Variants in CNOT9 observed in about 807,000 individuals in gnomAD.
CNOT9 encodes RCD1 required for cell differentiation1 homolog.
Under a neutral mutation model 37.4 loss-of-function variants are expected in CNOT9, and 8 were observed. The ratio of observed to expected loss-of-function variants is 0.21; its 90% CI spans 0.13 to 0.39. The LOEUF (loss-of-function observed/expected upper bound fraction) is 0.39, where lower values mean the gene tolerates loss of function less well. CNOT9 is among the 10% of genes least tolerant of loss of function. CNOT9 has a pLI of 1.00. For synonymous variants in CNOT9, 120 were observed against 137.6 expected, an observed-to-expected ratio of 0.87 and a Z score of 0.90; for missense variants, 154 against 365.3, an observed-to-expected ratio of 0.42 and a Z score of 4.71.
intron 1 of CNOT9, among the ~76,000 whole-genome samples, chr2:218,576,981 A>AT (rs1430962071): frequency 1.3e-5 from 2 of 151,422 alleles, no homozygotes; most frequent in Non-Finnish European, 2.9e-5. Context: ...AAAAAAAAAA[A>AT]GTCATCTTTA....
intron 1 of CNOT9, among the ~76,000 whole-genome samples, chr2:218,578,436 GTTCT>G (rs1378495149): frequency 1.3e-5 from 2 of 152,198 alleles, no homozygotes; most frequent in Non-Finnish European, 2.9e-5. Flanking sequence ...AACAAAGGCA[GTTCT>G]TTGTGTTCTT....
intron 1 of CNOT9, among the ~76,000 whole-genome samples, chr2:218,571,504 A>G (rs1044394003): frequency 5.9e-5 from 9 of 152,148 alleles, no homozygotes; most frequent in South Asian, 4.1e-4. Flanking sequence ...ATAGTATGGG[A>G]AGTATCTTAA....
chr2:218,592,007 G>A lies in CNOT9; in HGVS notation c.541-297G>A, dbSNP rs550630805. Among the ~76,000 whole-genome samples the A allele has an allele frequency of 2.6e-5, 4 of 152,052 alleles. No homozygotes were observed. The highest frequency in any genetic ancestry group is 2.1e-4 in the South Asian group (1 of 4,810). On this transcript the variant is annotated intron_variant, in intron 5 of 7. Transcript: ENST00000273064. The surrounding 1 kb of genome is among the most constrained non-coding windows in gnomAD (Gnocchi z 4.1). Reference sequence around the variant, plus strand: ...GTTTTTAAGAATTTGATAATTACACGGAACCTACCCTTGTATGTAAAGTGA... The same window carrying A: ...GTTTTTAAGAATTTGATAATTACACAGAACCTACCCTTGTATGTAAAGTGA...
intron 1 of CNOT9, among the ~76,000 whole-genome samples, chr2:218,573,420 A>C (rs1050626466): frequency 2.0e-5 from 3 of 152,118 alleles, no homozygotes; most frequent in Admixed American, 2.0e-4. Context: ...TTTTCTTGGA[A>C]TACCATGCTG....
In CNOT9 at chr2:218,595,404, C is replaced by CTTTTTTTTTTTTTTTTTTTTTTTTTTTT. The variant is rs57839540; in HGVS notation, c.*1129_*1156dup. On this transcript the variant is annotated 3_prime_UTR_variant, in exon 8 of 8. Transcript: ENST00000273064. Reference sequence around the variant, plus strand: ...GAGGGCTGGGTTCTGCTCACTCAGTCTTTTTTTTTTTTTTTTTTTTTTTTT... The same window carrying CTTTTTTTTTTTTTTTTTTTTTTTTTTTT: ...GAGGGCTGGGTTCTGCTCACTCAGTCTTTTTTTTTTTTTTTTTTTTTTTTTTTTTTTTTTTTTTTTTTTTTTTTTTTTT... The CTTTTTTTTTTTTTTTTTTTTTTTTTTTT allele has an allele frequency of 9.0e-4, 46 of 50,944 alleles. 9 individuals are homozygous for CTTTTTTTTTTTTTTTTTTTTTTTTTTTT. Among genetic ancestry groups the CTTTTTTTTTTTTTTTTTTTTTTTTTTTT allele is most frequent in the East Asian group, 2.1e-3 (2 of 944 alleles). 3.2% of individuals were successfully genotyped at this position (50,944 alleles called of 1,614,324 possible).
intron 1 of CNOT9, 107 bp downstream of exon 1, chr2:218,569,085 G>T: frequency 8.0e-7 from 1 of 1,247,824 alleles, no homozygotes; most frequent in Non-Finnish European, 1.1e-6. Flanking sequence ...ATTTTTTTCT[G>T]CCCTCAATCT....
chr2:218,573,367 A>C (rs1301801141), intron 1 of CNOT9, among the ~76,000 whole-genome samples: 1 of 151,996 alleles, frequency 6.6e-6, no homozygotes, highest in Non-Finnish European at 1.5e-5. Flanking sequence ...TAAAATTATG[A>C]AGGTAAGCTA....
Position 218,596,362 on chromosome 2 carries a change from T to G in CNOT9, c.*2086T>G, listed in dbSNP as rs1351941964. The G allele has an allele frequency of 6.6e-6, 1 of 152,206 alleles. No homozygotes were observed. Among genetic ancestry groups the G allele is most frequent in the Non-Finnish European group, 1.5e-5 (1 of 68,042 alleles). 9.4% of individuals were successfully genotyped at this position (152,206 alleles called of 1,614,324 possible). On this transcript the variant is annotated 3_prime_UTR_variant, in exon 8 of 8. Coordinates refer to ENST00000273064, the MANE Select transcript of CNOT9 (RefSeq NM_005444.3). The stretch of plus-strand genomic sequence containing the variant: ...TATTATATAAAGAGACCCCTCCCCT[T>G]ATTTTGTGTTTTCCATCCCTCTCCC...
Position 218,594,202 on chromosome 2 carries a change from C to G in CNOT9, c.826C>G (p.Leu276Val). ...LKDDTTTKRWLAQLVKNLQEG... is the reference protein window; with the variant it reads ...LKDDTTTKRWVAQLVKNLQEG... Reference sequence around the variant, plus strand: ...AGATGACACCACCACGAAACGCTGGCTTGCACAACTGGTGAAGAACCTGCA... The same window carrying G: ...AGATGACACCACCACGAAACGCTGGGTTGCACAACTGGTGAAGAACCTGCA... The change falls in exon 8 of 8, where the codon CTT becomes GTT. Residue 276 changes from leucine (L) to valine (V), a missense_variant. This residue lies in a region of CNOT9 where 117 missense variants were observed against 325.4 expected (regional missense o/e 0.36). Coordinates refer to ENST00000273064, the MANE Select transcript of CNOT9 (RefSeq NM_005444.3). 1 of 1,614,246 alleles carries G rather than the reference C, an allele frequency of 6.2e-7. No homozygotes were observed. The highest frequency in any genetic ancestry group is 2.2e-5 in the East Asian group (1 of 44,884).
At chr2:218,575,568 A>G (rs146364919) in intron 1 of CNOT9, among the ~76,000 whole-genome samples, 3,346 of 151,892 alleles carry the variant, frequency 0.022, 124 homozygotes, top group African/African-American at 0.074. Context: ...ACACCTGGCT[A>G]ATTTTTTTGT....
Position 218,568,887 on chromosome 2 carries a change from G to C in CNOT9, c.-68G>C. ...CGGCGGCTCATTGTTTTCCGCTGCA[G>C]GGGTGCTGAAGGGGGGACGCGGGTC... On this transcript the variant is annotated 5_prime_UTR_variant, in exon 1 of 8. Coordinates refer to ENST00000273064, the MANE Select transcript of CNOT9 (RefSeq NM_005444.3). 8 of 1,561,704 alleles carry C rather than the reference G, an allele frequency of 5.1e-6. No homozygotes were observed. Among genetic ancestry groups the C allele is most frequent in the Non-Finnish European group, 7.0e-6 (8 of 1,148,620 alleles).
chr2:218,583,902 T>G (rs1388155573), intron 3 of CNOT9, among the ~76,000 whole-genome samples: 1 of 152,352 alleles, frequency 6.6e-6, no homozygotes, highest in East Asian at 1.9e-4. Flanking sequence ...CTGACTAAAC[T>G]GTTTTCAGAA....
chr2:218,590,332 T>C (rs965611793), intron 5 of CNOT9, among the ~76,000 whole-genome samples: 1 of 152,204 alleles, frequency 6.6e-6, no homozygotes, highest in African/African-American at 2.4e-5. Context: ...ACCTCCCAAA[T>C]ATTCTGTATT....
rs1559253802 is a variant in CNOT9 at position 218,596,582 on chromosome 2, G to A, written c.*2306G>A. 6.6e-6 allele frequency: 1 copy of A among 152,102 alleles called. No homozygotes were observed. The highest frequency in any genetic ancestry group is 1.9e-4 in the East Asian group (1 of 5,198). 9.4% of individuals were successfully genotyped at this position (152,102 alleles called of 1,614,324 possible). A position where few individuals can be genotyped will look rare whatever the true frequency, so the allele number is the denominator to read the frequency against. ...ACACAGCCCTGCTAAGATGGCAGTA[G>A]TGGTTCTTTTGTGAACATGTTTTTT... On this transcript the variant is annotated 3_prime_UTR_variant, in exon 8 of 8. Transcript: ENST00000273064.
chr2:218,582,090 GA>G (rs57862980), intron 2 of CNOT9, among the ~76,000 whole-genome samples: 70,463 of 151,376 alleles, frequency 0.47, 19,498 homozygotes, highest in East Asian at 0.78. Context: ...CAAAAAAAAA[GA>G]AAAAAAATGT....
At chr2:218,579,332 T>G (rs969442955) in intron 1 of CNOT9, among the ~76,000 whole-genome samples, 5 of 152,208 alleles carry the variant, frequency 3.3e-5, no homozygotes, top group Non-Finnish European at 4.4e-5. Flanking sequence ...ATGGAAACAT[T>G]TTATATGCTC....
chr2:218,590,720 C>T (rs1015067625), intron 5 of CNOT9, among the ~76,000 whole-genome samples: 2 of 152,108 alleles, frequency 1.3e-5, no homozygotes, highest in Non-Finnish European at 2.9e-5. Flanking sequence ...TCAGATCCAG[C>T]GATGTGGCAT....
At position 218,594,112 on chromosome 2, in the gene CNOT9, C is replaced by T. The variant is rs752696337; in HGVS notation, c.736C>T (p.Arg246Cys). The T allele has an allele frequency of 1.2e-6, 2 of 1,614,102 alleles. No individual in the cohort carries two copies. Among genetic ancestry groups the T allele is most frequent in the Non-Finnish European group, 1.7e-6 (2 of 1,179,962 alleles). ...GTTTGTTTGTTTCTGATGTAGGGCA[C>T]GTGAAGCACTCAGACAGTGCCTCCC... ...YLRLSDNPRAREALRQCLPDQ... is the reference protein window; with the variant it reads ...YLRLSDNPRACEALRQCLPDQ... Residue 246 changes from arginine to cysteine, a missense_variant, in exon 8 of 8, where the codon CGT (arginine) becomes TGT (cysteine). Arg to Cys is a radical substitution (Grantham distance 180). Around this residue, in one of 2 missense-constraint regions of CNOT9, gnomAD observed 117 missense variants for 325.4 expected, o/e 0.36. Coordinates refer to ENST00000273064, the MANE Select transcript of CNOT9 (RefSeq NM_005444.3).
intron 1 of CNOT9, among the ~76,000 whole-genome samples, chr2:218,573,100 A>T (rs988442492): frequency 2.6e-5 from 4 of 152,212 alleles, no homozygotes; most frequent in Middle Eastern, 3.4e-3. Flanking sequence ...CAGGTGGATC[A>T]TAAGGTCAGG....
Sources: gnomAD v4.1 joint callset for allele counts (sites outside exome capture counted in the v4.1 genomes callset) on GRCh38, gnomAD v4.1.1 for gene constraint, gnomAD v4.1.1 regional missense constraint, Gnocchi (gnomAD v3.1) non-coding constraint, MANE v1.5 for transcripts, NCBI Gene and HGNC (gene_info 2026-07-23, HGNC 2026-07-21) for gene names.